The following MET variants were observed in gnomAD, a reference collection of about 807,000 sequenced individuals.
MET encodes hepatocyte growth factor receptor.
MET carries 48 observed loss-of-function variants against 133.1 expected under a neutral mutation model. That is an observed-to-expected ratio of 0.36 (90% confidence interval 0.29 to 0.46). MET has a LOEUF of 0.46. MET is among the 20% of genes least tolerant of loss of function. MET has a pLI of 1.00. For missense variants in MET, 1,442 were observed against 1,695.9 expected (o/e 0.85, Z 2.63); for synonymous variants, 628 against 616.5 (o/e 1.02, Z -0.28).
chr7:116,681,884 A>C (rs902273826), intron 1 of MET, among the ~76,000 whole-genome samples: 1 of 152,200 alleles, frequency 6.6e-6, no homozygotes, highest in African/African-American at 2.4e-5. Context: ...ATCAAATAGT[A>C]TGATATTTGT....
intron 4 of MET, 25 bp from the exon 5 acceptor site, chr7:116,740,827 C>T (rs2116833232): frequency 2.5e-6 from 4 of 1,613,360 alleles, no homozygotes; most frequent in Non-Finnish European, 2.5e-6. Context: ...CCTCTGGAAG[C>T]TCTTTCCACC....
At chr7:116,744,659 C>T (rs201951536) in intron 5 of MET, among the ~76,000 whole-genome samples, 1 of 152,098 alleles carries the variant, frequency 6.6e-6, no homozygotes, top group African/African-American at 2.4e-5. Context: ...AGCAAGACAG[C>T]CCAACATTCA....
At chr7:116,757,998 T>G (rs951734313) in intron 8 of MET, among the ~76,000 whole-genome samples, 4 of 152,200 alleles carry the variant, frequency 2.6e-5, no homozygotes, top group African/African-American at 4.8e-5. Context: ...TTCAGTTTTG[T>G]CTTCCCATCC....
At chr7:116,761,964 A>G (rs1023836942) in intron 10 of MET, among the ~76,000 whole-genome samples, 1 of 152,330 alleles carries the variant, frequency 6.6e-6, no homozygotes, top group East Asian at 1.9e-4. Context: ...TACTTGTCAA[A>G]GAAAAGGAAA....
At chr7:116,762,621 A>G (rs991973659) in intron 10 of MET, among the ~76,000 whole-genome samples, 4 of 152,174 alleles carry the variant, frequency 2.6e-5, no homozygotes, top group Non-Finnish European at 5.9e-5. Flanking sequence ...AAACTGAGTT[A>G]TTCAGTGTGG....
intron 19 of MET, among the ~76,000 whole-genome samples, chr7:116,789,065 G>GT (rs769410849): frequency 6.6e-6 from 1 of 152,158 alleles, no homozygotes; most frequent in Non-Finnish European, 1.5e-5. Context: ...TTTCTGAAGT[G>GT]TTTAACATTA....
intron 2 of MET, among the ~76,000 whole-genome samples, chr7:116,723,795 GGGGGTCA>G (rs1839718006): frequency 6.6e-6 from 1 of 152,010 alleles, no homozygotes; most frequent in Non-Finnish European, 1.5e-5. Flanking sequence ...TAGGCTGCTC[GGGGGTCA>G]GGGGTCAGGG....
chr7:116,720,103 G>T (rs370482774), intron 2 of MET, among the ~76,000 whole-genome samples: 13 of 151,918 alleles, frequency 8.6e-5, no homozygotes, highest in East Asian at 5.8e-4. Context: ...TTCACGATAT[G>T]GATTCTTCCT....
intron 1 of MET, among the ~76,000 whole-genome samples, chr7:116,674,575 A>G: frequency 6.6e-6 from 1 of 152,188 alleles, no homozygotes; most frequent in East Asian, 1.9e-4. Context: ...CTTTTTCTCA[A>G]ATGTGGTCAT....
At chr7:116,788,563 G>A (rs1391268690) in intron 19 of MET, among the ~76,000 whole-genome samples, 1 of 152,182 alleles carries the variant, frequency 6.6e-6, no homozygotes, top group East Asian at 1.9e-4. Context: ...AATGTACATA[G>A]ATTTCTGCAG....
intron 1 of MET, among the ~76,000 whole-genome samples, chr7:116,695,968 G>C (rs1476392094): frequency 6.6e-6 from 1 of 152,072 alleles, no homozygotes; most frequent in East Asian, 1.9e-4. Context: ...CGCTTCCCAA[G>C]TTCAAGCAAT....
intron 11 of MET, among the ~76,000 whole-genome samples, chr7:116,768,985 C>T (rs1041039478): frequency 1.1e-4 from 16 of 152,020 alleles, no homozygotes; most frequent in Non-Finnish European, 1.3e-4. Context: ...TGGAATTGTG[C>T]TCTCAAATTA....
At position 116,699,889 on chromosome 7, in the gene MET, C is replaced by T. The variant is rs781257386; in HGVS notation, c.805C>T (p.Leu269=). 1.9e-6 allele frequency: 3 copies of T among 1,613,980 alleles called. No homozygotes were observed. In the African/African-American group the frequency reaches 4.0e-5, roughly 22 times the overall value. The stretch of plus-strand genomic sequence containing the variant: ...CTTCTTGACGGTCCAAAGGGAAACT[C>T]TAGATGCTCAGACTTTTCACACAAG... ...IYFLTVQRET[L]DAQTFHTRII... Residue 269 remains leucine (L), a synonymous_variant, in exon 2 of 21, where the codon CTA becomes TTA. Coordinates refer to ENST00000397752, the MANE Select transcript of MET (RefSeq NM_000245.4).
intron 1 of MET, among the ~76,000 whole-genome samples, chr7:116,685,180 A>C (rs2116500573): frequency 6.6e-6 from 1 of 152,238 alleles, no homozygotes; most frequent in East Asian, 1.9e-4. Flanking sequence ...CTGACCTATT[A>C]GCTTTGGTGG....
intron 11 of MET, among the ~76,000 whole-genome samples, chr7:116,765,996 A>G (rs951910729): frequency 2.6e-5 from 4 of 152,200 alleles, no homozygotes; most frequent in Non-Finnish European, 4.4e-5. Flanking sequence ...CTCTCATTTA[A>G]TGTATACTAA....
chr7:116,740,067 G>A lies in MET; in HGVS notation c.1510G>A (p.Val504Ile), dbSNP rs587780735. 6.2e-7 allele frequency: 1 copy of A among 1,614,064 alleles called. No homozygotes were observed. Among genetic ancestry groups the A allele is most frequent in the South Asian group, 1.1e-5 (1 of 91,078 alleles). Residue 504 changes from valine to isoleucine, a missense_variant, in exon 4 of 21, where the codon GTT (valine) becomes ATT (isoleucine). Physicochemically the swap from Val to Ile is conservative, Grantham distance 29. Around this residue, in one of 6 missense-constraint regions of MET, gnomAD observed 762 missense variants for 792.4 expected, o/e 0.96. Coordinates refer to ENST00000397752, the MANE Select transcript of MET (RefSeq NM_000245.4). ...HTLNQNGYTL[V>I]ITGKKITKIP... ...ATTAAACCAAAATGGCTACACACTG[G>A]TTATCACTGGGAAGAAGGTAAGCTG...
At chr7:116,718,344 C>A (rs1204914840) in intron 2 of MET, among the ~76,000 whole-genome samples, 2 of 151,996 alleles carry the variant, frequency 1.3e-5, no homozygotes, top group Non-Finnish European at 2.9e-5. Flanking sequence ...GCCGAGATCA[C>A]GCCACTGCAC....
rs573157234 is a variant in MET at position 116,708,236 on chromosome 7, T to G, written c.1200+7952T>G. Among the ~76,000 whole-genome samples the G allele has an allele frequency of 8.9e-4, 135 of 152,272 alleles. 1 individual carries two copies. The highest frequency in any genetic ancestry group is 3.2e-3 in the African/African-American group (132 of 41,562). On this transcript the variant is annotated intron_variant, in intron 2 of 20. Transcript: ENST00000397752. ...GAGAGGGAATATCTAAATTTGGTAG[T>G]TGAGTCACAAAAGGCTGTCCTGAGG...
chr7:116,723,927 T>C (rs1792613646), intron 2 of MET, among the ~76,000 whole-genome samples: 1 of 152,240 alleles, frequency 6.6e-6, no homozygotes, highest in Admixed American at 6.5e-5. Flanking sequence ...AGGTTACTGC[T>C]GTCTTTTTGT....
Sources: allele counts gnomAD v4.1 joint callset (sites outside exome capture counted in the v4.1 genomes callset), GRCh38; gene constraint gnomAD v4.1.1; regional missense constraint gnomAD v4.1.1; transcripts MANE v1.5; gene names NCBI Gene and HGNC (gene_info 2026-07-23, HGNC 2026-07-21).